SMARCC1: variants seen among roughly 807,000 people sequenced by gnomAD.
SMARCC1 encodes the protein SWI/SNF related BAF chromatin remodeling complex subunit C1, also known as SWI/SNF complex subunit SMARCC1.
A neutral mutation model predicts 147.4 loss-of-function variants in SMARCC1; 43 were observed. That is an observed-to-expected ratio of 0.29 (90% confidence interval 0.23 to 0.38). The LOEUF is 0.38. Among genes scored for constraint, SMARCC1 ranks in the 10% least tolerant of loss-of-function variants. The probability of loss-of-function intolerance (pLI) is 1.00; values close to 1 mark genes in which losing one functional copy is unlikely to be tolerated. For missense variants in SMARCC1, 1,119 were observed against 1,381.1 expected (o/e 0.81, Z 3.01); for synonymous variants, 495 against 484.4 (o/e 1.02, Z -0.29).
At chr3:47,721,748 T>C (rs1475335988) in intron 6 of SMARCC1, among the ~76,000 whole-genome samples, 2 of 152,120 alleles carry the variant, frequency 1.3e-5, no homozygotes, top group Non-Finnish European at 2.9e-5. Context: ...TGGTGGTTCA[T>C]GCCTGTAATC....
chr3:47,752,303 G>C (rs1407799256), intron 2 of SMARCC1, among the ~76,000 whole-genome samples: 1 of 152,124 alleles, frequency 6.6e-6, no homozygotes, highest in Non-Finnish European at 1.5e-5. Context: ...CTGGAGATAG[G>C]AACAAGAAAC....
intron 26 of SMARCC1, among the ~76,000 whole-genome samples, chr3:47,609,675 C>T (rs1358414487): frequency 1.3e-5 from 2 of 152,092 alleles, no homozygotes; most frequent in Admixed American, 6.6e-5. Flanking sequence ...TGAAGATTTC[C>T]GTAACAAAAA....
rs1309713280 is a variant in SMARCC1, at chr3:47,588,266, A to AGGTGGT, written c.3255_3260dup (p.Pro1086_Pro1087dup). 1.2e-6 allele frequency: 2 copies of AGGTGGT among 1,613,822 alleles called. No homozygotes were observed. The highest frequency in any genetic ancestry group is 1.7e-6 in the Non-Finnish European group (2 of 1,179,946). On this transcript the variant is annotated inframe_insertion, in exon 28 of 28. Transcript: ENST00000254480. ...CAGGAGGCGGAGGGACCCCATCTGC[A>AGGTGGT]GGTGGTGGTGGCGGTGGCTGCTGCT...
chr3:47,590,452 C>T (rs2032158729), intron 27 of SMARCC1, among the ~76,000 whole-genome samples: 1 of 152,192 alleles, frequency 6.6e-6, no homozygotes, highest in African/African-American at 2.4e-5. Flanking sequence ...AGGCACAACC[C>T]TGATTAGAAG....
chr3:47,644,077 G>C (rs758854635), intron 21 of SMARCC1, among the ~76,000 whole-genome samples: 1 of 152,054 alleles, frequency 6.6e-6, no homozygotes, highest in African/African-American at 2.4e-5. Flanking sequence ...GGCTACTTGG[G>C]AGGCCGAGGA....
intron 21 of SMARCC1, among the ~76,000 whole-genome samples, chr3:47,654,415 A>C (rs1376735714): frequency 6.6e-6 from 1 of 152,252 alleles, no homozygotes; most frequent in Non-Finnish European, 1.5e-5. Context: ...TTTCAAACTA[A>C]GAATTATAGA....
chr3:47,635,947 A>G (rs367713530), intron 23 of SMARCC1, 75 bp downstream of exon 23: 5 of 739,428 alleles, frequency 6.8e-6, no homozygotes, highest in Non-Finnish European at 1.1e-5. Context: ...AAATATTTCT[A>G]TATAAACCAC....
intron 11 of SMARCC1, among the ~76,000 whole-genome samples, chr3:47,698,495 C>T (rs564753814): frequency 1.3e-5 from 2 of 151,748 alleles, no homozygotes; most frequent in Admixed American, 1.3e-4. Flanking sequence ...CAAAAAAGTG[C>T]CAGAATACAT....
At chr3:47,624,697 A>C (rs1245438597) in intron 24 of SMARCC1, among the ~76,000 whole-genome samples, 2 of 152,148 alleles carry the variant, frequency 1.3e-5, no homozygotes, top group Non-Finnish European at 1.5e-5. Context: ...TTAGATTCAA[A>C]AGTCACAGAC....
chr3:47,718,999 GC>G (rs2034197367), intron 7 of SMARCC1, among the ~76,000 whole-genome samples: 1 of 151,988 alleles, frequency 6.6e-6, no homozygotes, highest in Admixed American at 6.6e-5. Context: ...GGCAAGCTCC[GC>G]CCCCGGGGTT....
intron 2 of SMARCC1, among the ~76,000 whole-genome samples, chr3:47,766,920 C>T (rs1243681587): frequency 6.6e-6 from 1 of 152,104 alleles, no homozygotes; most frequent in East Asian, 1.9e-4. Context: ...CATGGTGGCT[C>T]ACGCCTGTAA....
chr3:47,735,163 T>C (rs1452780704), intron 5 of SMARCC1, among the ~76,000 whole-genome samples: 4 of 152,186 alleles, frequency 2.6e-5, no homozygotes, highest in Non-Finnish European at 5.9e-5. Context: ...CCAACAATTA[T>C]GTTACCAACT....
At chr3:47,753,052 A>G (rs147139412) in intron 2 of SMARCC1, among the ~76,000 whole-genome samples, 72 of 152,336 alleles carry the variant, frequency 4.7e-4, no homozygotes, top group African/African-American at 1.6e-3. Flanking sequence ...AATGAAACTT[A>G]GAATAAATCT....
chr3:47,609,278 C>T (rs562197098), intron 26 of SMARCC1, among the ~76,000 whole-genome samples: 3 of 152,084 alleles, frequency 2.0e-5, no homozygotes, highest in Non-Finnish European at 4.4e-5. Context: ...GGGCGGATCA[C>T]GAGGTCAGGA....
intron 2 of SMARCC1, among the ~76,000 whole-genome samples, chr3:47,759,805 C>T (rs554670395): frequency 1.3e-4 from 18 of 137,264 alleles, no homozygotes; most frequent in Non-Finnish European, 2.7e-4. Flanking sequence ...GGTGTGGTGG[C>T]GGGTGCCTGT....
intron 13 of SMARCC1, 57 bp from the exon 14 acceptor site, chr3:47,686,227 T>C (rs2033722073): frequency 7.5e-7 from 1 of 1,333,632 alleles, no homozygotes; most frequent in African/African-American, 1.5e-5. Context: ...GAGATATATA[T>C]AACATCTCTT....
chr3:47,770,746 A>G (rs973795962), intron 2 of SMARCC1, among the ~76,000 whole-genome samples: 2 of 152,190 alleles, frequency 1.3e-5, no homozygotes, highest in Non-Finnish European at 2.9e-5. Flanking sequence ...GAATTCCTTT[A>G]TAACCTAGGA....
chr3:47,588,703 G>GCCCCCCCCCCCCCC (rs544157096), intron 27 of SMARCC1, among the ~76,000 whole-genome samples: 1 of 48,394 alleles, frequency 2.1e-5, no homozygotes, highest in Non-Finnish European at 4.2e-5. Context: ...TTTTCTTCCC[G>GCCCCCCCCCCCCCC]CCCCCCCCCC....
chr3:47,641,568 T>A (rs533300048), intron 21 of SMARCC1, among the ~76,000 whole-genome samples: 1 of 152,178 alleles, frequency 6.6e-6, no homozygotes, highest in African/African-American at 2.4e-5. Context: ...CATACAAAGA[T>A]CTGCAGAAAA....
Sources: allele counts gnomAD v4.1 joint callset (sites outside exome capture counted in the v4.1 genomes callset), GRCh38; gene constraint gnomAD v4.1.1; transcripts MANE v1.5; gene names NCBI Gene and HGNC (gene_info 2026-07-23, HGNC 2026-07-21).